SLC5A11: variants seen among roughly 807,000 people sequenced by gnomAD.
SLC5A11 encodes sodium/myo-inositol cotransporter 2.
A neutral mutation model predicts 69.8 loss-of-function variants in SLC5A11; 48 were observed. That is an observed-to-expected ratio of 0.69 (90% CI 0.55 to 0.87). The LOEUF is 0.87. Among genes scored for constraint, SLC5A11 ranks in the 40% least tolerant of loss-of-function variants. The pLI is 0.00. For missense variants in SLC5A11, 784 were observed against 866.1 expected, an observed-to-expected ratio of 0.91 and a Z score of 1.19; for synonymous variants, 319 against 342.4, an observed-to-expected ratio of 0.93 and a Z score of 0.75.
chr16:24,893,116 C>CAAAAAAAAAAAAAA lies in SLC5A11; in HGVS notation c.870+2054_870+2067dup, dbSNP rs58331547. Among the ~76,000 whole-genome samples, 4 of 99,106 alleles carry CAAAAAAAAAAAAAA rather than the reference C, an allele frequency of 4.0e-5. 1 individual carries two copies. The highest frequency in any genetic ancestry group is 9.9e-5 in the African/African-American group (2 of 20,216). 65.0% of individuals were successfully genotyped at this position (99,106 alleles called of 152,430 possible). On this transcript the variant is annotated intron_variant, in intron 9 of 15. Coordinates refer to ENST00000347898, the Ensembl canonical transcript of SLC5A11. ...CAAAACCCTGTCTCTACTAAAAATA[C>CAAAAAAAAAAAAAA]AAAAAAAAAAAAAAAAAAAAAAAAA... is the stretch of plus-strand genomic sequence containing the variant.
At chr16:24,860,329 G>T (rs1351393556) in intron 2 of SLC5A11, among the ~76,000 whole-genome samples, 1 of 152,090 alleles carries the variant, frequency 6.6e-6, no homozygotes, top group Non-Finnish European at 1.5e-5. Context: ...GGTGGTGGGT[G>T]CCTGTAATCC....
chr16:24,911,482 C>G (rs377719942), exon 16 of SLC5A11: 63 of 1,614,004 alleles, frequency 3.9e-5, no homozygotes, highest in Non-Finnish European at 5.3e-5. Context: ...TGGACGTCAA[C>G]CTCATTTTCT....
intron 10 of SLC5A11, among the ~76,000 whole-genome samples, chr16:24,899,407 T>C (rs1227501964): frequency 2.6e-5 from 4 of 152,114 alleles, no homozygotes; most frequent in Non-Finnish European, 5.9e-5. Context: ...GAAATCCTTT[T>C]TGGATTTTTT....
chr16:24,901,958 G>GCGCACACACACA (rs976595625), intron 10 of SLC5A11, among the ~76,000 whole-genome samples: 1 of 136,576 alleles, frequency 7.3e-6, no homozygotes, highest in African/African-American at 2.8e-5. Context: ...ACACACACAC[G>GCGCACACACACA]CACACACACA....
chr16:24,875,498 T>G, intron 5 of SLC5A11, 129 bp from the exon 7 acceptor site: 3 of 725,716 alleles, frequency 4.1e-6, no homozygotes, highest in Non-Finnish European at 7.1e-6. Context: ...AGTATCAGGT[T>G]GAGAATCCCA....
intron 1 of SLC5A11, among the ~76,000 whole-genome samples, chr16:24,848,183 T>TA (rs1372084878): frequency 6.6e-6 from 1 of 152,132 alleles, no homozygotes; most frequent in Non-Finnish European, 1.5e-5. Flanking sequence ...AGGAATAAAA[T>TA]GAATGCTAGT....
chr16:24,899,963 C>T (rs558622708), intron 10 of SLC5A11, among the ~76,000 whole-genome samples: 1 of 152,316 alleles, frequency 6.6e-6, no homozygotes, highest in South Asian at 2.1e-4. Flanking sequence ...TTCAGCCTCC[C>T]AAAGTGCTGG....
chr16:24,849,439 T>C (rs1325180928), intron 1 of SLC5A11, among the ~76,000 whole-genome samples: 4 of 150,894 alleles, frequency 2.7e-5, no homozygotes, highest in Admixed American at 2.6e-4. Context: ...TGGTGACACA[T>C]GCCTGTAATC....
At chr16:24,861,299 G>A (rs895984664) in intron 2 of SLC5A11, among the ~76,000 whole-genome samples, 6 of 151,970 alleles carry the variant, frequency 3.9e-5, no homozygotes, top group Non-Finnish European at 5.9e-5. Flanking sequence ...TGGCAACATA[G>A]TAAGATACCA....
intron 10 of SLC5A11, 50 bp from the exon 12 acceptor site, chr16:24,906,607 G>A: frequency 7.7e-7 from 1 of 1,292,114 alleles, no homozygotes; most frequent in Non-Finnish European, 1.1e-6. Flanking sequence ...CCTGGGCCTG[G>A]GGCTCTGGGG....
At chr16:24,848,157 C>A (rs2059111489) in intron 1 of SLC5A11, among the ~76,000 whole-genome samples, 2 of 152,090 alleles carry the variant, frequency 1.3e-5, no homozygotes, top group African/African-American at 4.8e-5. Flanking sequence ...GACCCTGAGG[C>A]CAGAAATCGT....
intron 1 of SLC5A11, among the ~76,000 whole-genome samples, chr16:24,850,945 G>A (rs578046693): frequency 2.0e-5 from 3 of 151,468 alleles, no homozygotes; most frequent in Non-Finnish European, 4.4e-5. Context: ...CAAGTAGCTG[G>A]GATTACAGGA....
intron 7 of SLC5A11, among the ~76,000 whole-genome samples, chr16:24,882,844 C>T (rs894725912): frequency 1.3e-5 from 2 of 152,116 alleles, no homozygotes; most frequent in Non-Finnish European, 2.9e-5. Context: ...CAAGGTTTCA[C>T]CATGTTGGCC....
At chr16:24,892,951 T>C (rs192515358) in intron 9 of SLC5A11, among the ~76,000 whole-genome samples, 2 of 152,038 alleles carry the variant, frequency 1.3e-5, no homozygotes, top group East Asian at 3.9e-4. Flanking sequence ...ACAGGACTGA[T>C]CCGGGCTAAC....
At position 24,910,626 on chromosome 16, in the gene SLC5A11, C is replaced by T. The variant is rs752496666; in HGVS notation, c.1822+149C>T. 112 of 882,768 alleles carry T rather than the reference C, an allele frequency of 1.3e-4. 1 individual carries two copies. Among genetic ancestry groups the T allele is most frequent in the South Asian group, 1.2e-3 (66 of 54,390 alleles). The allele number at this position is 882,768 out of a possible 1,614,324, so 54.7% of individuals were successfully genotyped here. On this transcript the variant is annotated intron_variant, in intron 15 of 15. Coordinates refer to ENST00000347898, the Ensembl canonical transcript of SLC5A11. The stretch of plus-strand genomic sequence containing the variant: ...GGCTCCAGTGTCTGATCTGTCCCCA[C>T]GCTCCGGCCATGGGAAAGGAGTTTT...
intron 8 of SLC5A11, among the ~76,000 whole-genome samples, chr16:24,889,754 G>A (rs1304565881): frequency 6.6e-6 from 1 of 151,824 alleles, no homozygotes; most frequent in South Asian, 2.1e-4. Flanking sequence ...CACCATGTGG[G>A]CCAGGTTGGT....
chr16:24,864,243 T>G (rs1054001886), intron 3 of SLC5A11, among the ~76,000 whole-genome samples: 13 of 152,162 alleles, frequency 8.5e-5, no homozygotes, highest in Admixed American at 8.5e-4. Flanking sequence ...CTGGCTGACC[T>G]TGGGGCTCTG....
chr16:24,876,812 C>G (rs1034397460), intron 6 of SLC5A11, among the ~76,000 whole-genome samples: 1 of 152,116 alleles, frequency 6.6e-6, no homozygotes, highest in Non-Finnish European at 1.5e-5. Context: ...CTGGGAGGCC[C>G]AGGTACACAT....
chr16:24,878,747 G>A (rs1021117336), intron 7 of SLC5A11, among the ~76,000 whole-genome samples: 3 of 152,068 alleles, frequency 2.0e-5, no homozygotes, highest in Non-Finnish European at 2.9e-5. Context: ...AATAAATAAT[G>A]TTAGGCCAGG....
Sources: allele counts gnomAD v4.1 joint callset (sites outside exome capture counted in the v4.1 genomes callset), GRCh38; gene constraint gnomAD v4.1.1; transcripts MANE v1.5; gene names NCBI Gene and HGNC (gene_info 2026-07-23, HGNC 2026-07-21).